The following WNT1 variants were observed in gnomAD, a reference collection of about 807,000 sequenced individuals.
WNT1 encodes the protein Wnt family member 1.
A neutral mutation model predicts 21.3 loss-of-function variants in WNT1; 10 were observed. The observed-to-expected ratio is 0.47, with a 90% confidence interval of 0.29 to 0.80. The LOEUF (loss-of-function observed/expected upper bound fraction) is 0.80. Ranked by LOEUF, WNT1 falls within the 30% of genes least tolerant of loss-of-function variation. WNT1 has a pLI of 0.09. For synonymous variants in WNT1, 208 were observed against 236.3 expected (o/e 0.88, Z 1.10); for missense variants, 476 against 534.1 (o/e 0.89, Z 1.07).
In WNT1 at chr12:48,979,243, C is replaced by T. The variant is rs1396702425; in HGVS notation, c.105-225C>T. 6.6e-6 allele frequency among the ~76,000 whole-genome samples: 1 copy of T among 152,236 alleles called. No individual in the cohort carries two copies. Among genetic ancestry groups the T allele is most frequent in the African/African-American group, 2.4e-5 (1 of 41,466 alleles). The stretch of plus-strand genomic sequence containing the variant: ...TCGGTCTCCGGGTACCTCCTCTGTC[C>T]AGTCTCCGGACCTAGGGCTCAGGCG... On this transcript the variant is annotated intron_variant, in intron 1 of 3. Transcript: ENST00000293549. The surrounding 1 kb of genome is among the most constrained non-coding windows in gnomAD (Gnocchi z 6.0).
At position 48,979,430 on chromosome 12, in the gene WNT1, T is replaced by C. The variant is rs1940980918; in HGVS notation, c.105-38T>C. On this transcript the variant is annotated intron_variant, in intron 1 of 3. Transcript: ENST00000293549. The surrounding 1 kb of genome is among the most constrained non-coding windows in gnomAD (Gnocchi z 6.0). ...ACAGTTTTTATGGTTAGGGTGCGGA[T>C]CCCCTTCCTGAGCCTGAGCTATCAT... 4 of 1,565,746 alleles carry C rather than the reference T, an allele frequency of 2.6e-6. No homozygotes were observed. The highest frequency in any genetic ancestry group is 3.5e-6 in the Non-Finnish European group (4 of 1,150,186).
In WNT1 at chr12:48,979,498, C is replaced by T. The variant is rs1940982038; in HGVS notation, c.135C>T (p.Asn45=). The T allele has an allele frequency of 1.9e-6, 3 of 1,612,656 alleles. No individual in the cohort carries two copies. Among genetic ancestry groups the T allele is most frequent in the Non-Finnish European group, 2.5e-6 (3 of 1,179,128 alleles). The change falls in exon 2 of 4, where the codon AAC becomes AAT. Residue 45 remains asparagine, a synonymous_variant. Coordinates refer to ENST00000293549, the MANE Select transcript of WNT1 (RefSeq NM_005430.4). The surrounding 1 kb of genome is among the most constrained non-coding windows in gnomAD (Gnocchi z 6.0). ...WGIVNVASST[N]LLTDSKSLQL... ...TTGTGAACGTAGCCTCCTCCACGAACCTGCTTACAGACTCCAAGAGTCTGC... is the reference window on the plus strand; with the variant it reads ...TTGTGAACGTAGCCTCCTCCACGAATCTGCTTACAGACTCCAAGAGTCTGC...
chr12:48,981,381 C>T lies in WNT1; in HGVS notation c.854C>T (p.Ser285Phe). The T allele has an allele frequency of 6.3e-7, 1 of 1,575,412 alleles. No homozygotes were observed. Among genetic ancestry groups the T allele is most frequent in the Non-Finnish European group, 8.6e-7 (1 of 1,160,226 alleles). Residue 285 changes from serine (S) to phenylalanine (F), a missense_variant, in exon 4 of 4, where the codon TCC becomes TTC. Coordinates refer to ENST00000293549, the MANE Select transcript of WNT1 (RefSeq NM_005430.4). The surrounding 1 kb of genome is among the most constrained non-coding windows in gnomAD (Gnocchi z 7.4). Reference protein sequence around the residue: ...EPEDPAHKPPSPHDLVYFEKS... With the variant: ...EPEDPAHKPPFPHDLVYFEKS... ...GAAGACCCGGCCCACAAACCGCCCT[C>T]CCCCCACGACCTCGTCTACTTCGAG...
Position 48,978,569 on chromosome 12 carries a change from C to T in WNT1, c.-82C>T. 9 of 1,043,426 alleles carry T rather than the reference C, an allele frequency of 8.6e-6. No individual in the cohort carries two copies. Among genetic ancestry groups the T allele is most frequent in the Non-Finnish European group, 1.3e-5 (9 of 703,734 alleles). 64.6% of individuals were successfully genotyped at this position (1,043,426 alleles called of 1,614,324 possible). A position where few individuals can be genotyped will look rare whatever the true frequency, so the allele number is the denominator to read the frequency against. On this transcript the variant is annotated 5_prime_UTR_variant, in exon 1 of 4. Coordinates refer to ENST00000293549, the MANE Select transcript of WNT1 (RefSeq NM_005430.4). This position sits in a 1 kb window ranked among gnomAD's most constrained non-coding sequence, Gnocchi z 7.4. The stretch of plus-strand genomic sequence containing the variant: ...CTGCGAACTCTCGCCACTGCCGCCA[C>T]CGCCGCGTCCCGTCCCACCGTCGCG...
At position 48,981,008 on chromosome 12, in the gene WNT1, T is replaced by C. The variant is rs747423134; in HGVS notation, c.625-144T>C. 140 of 1,362,054 alleles carry C rather than the reference T, an allele frequency of 1.0e-4. No individual in the cohort carries two copies. Among genetic ancestry groups the C allele is most frequent in the Non-Finnish European group, 1.3e-4 (132 of 1,020,308 alleles). The allele number at this position is 1,362,054 out of a possible 1,614,324, so 84.4% of individuals were successfully genotyped here. On this transcript the variant is annotated intron_variant, in intron 3 of 3. Coordinates refer to ENST00000293549, the MANE Select transcript of WNT1 (RefSeq NM_005430.4). The surrounding 1 kb of genome is among the most constrained non-coding windows in gnomAD (Gnocchi z 7.4). ...AGGGTTTCCAAATCTCAGCGGAACATTTCGCGCCTCCCTTCCCCTGGGCTC... is the reference window on the plus strand; with the variant it reads ...AGGGTTTCCAAATCTCAGCGGAACACTTCGCGCCTCCCTTCCCCTGGGCTC...
rs1941004603 is a variant in WNT1, at chr12:48,980,967, C to T, written c.625-185C>T. 6.6e-6 allele frequency among the ~76,000 whole-genome samples: 1 copy of T among 152,178 alleles called. No homozygotes were observed. Among genetic ancestry groups the T allele is most frequent in the Admixed American group, 6.5e-5 (1 of 15,286 alleles). On this transcript the variant is annotated intron_variant, in intron 3 of 3. Coordinates refer to ENST00000293549, the MANE Select transcript of WNT1 (RefSeq NM_005430.4). This position sits in a 1 kb window ranked among gnomAD's most constrained non-coding sequence, Gnocchi z 7.0. ...AGAGGCCGAGACTGACTCGCCGCGG[C>T]GGAGCAGGGTTGGGCAGGGTTTCCA...
At position 48,980,732 on chromosome 12, in the gene WNT1, G is replaced by A. The variant is rs751341210; in HGVS notation, c.624+43G>A. On this transcript the variant is annotated intron_variant, in intron 3 of 3. Coordinates refer to ENST00000293549, the MANE Select transcript of WNT1 (RefSeq NM_005430.4). The surrounding 1 kb of genome is among the most constrained non-coding windows in gnomAD (Gnocchi z 7.0). Reference sequence around the variant, plus strand: ...CCGCACCCTAAGCGGAGCGGCAGGGGCCAACCTCGGGCTGGGGAAGTGACG... The same window carrying A: ...CCGCACCCTAAGCGGAGCGGCAGGGACCAACCTCGGGCTGGGGAAGTGACG... The A allele has an allele frequency of 3.3e-6, 5 of 1,495,062 alleles. No homozygotes were observed. Among genetic ancestry groups the A allele is most frequent in the Non-Finnish European group, 3.6e-6 (4 of 1,123,624 alleles). 92.6% of individuals were successfully genotyped at this position (1,495,062 alleles called of 1,614,324 possible). A position where few individuals can be genotyped will look rare whatever the true frequency, so the allele number is the denominator to read the frequency against.
At position 48,979,607 on chromosome 12, in the gene WNT1, G is replaced by A. The variant is rs1339135542; in HGVS notation, c.244G>A (p.Val82Met). ...IRQNPGILHSVSGGLQSAVRE... is the reference protein window; with the variant it reads ...IRQNPGILHSMSGGLQSAVRE... ...CCAAAATCCGGGGATCCTGCACAGC[G>A]TGAGTGGGGGGCTGCAGAGTGCCGT... Residue 82 changes from valine (V) to methionine (M), a missense_variant, in exon 2 of 4, where the codon GTG becomes ATG. Val to Met is a conservative substitution (Grantham distance 21). Coordinates refer to ENST00000293549, the MANE Select transcript of WNT1 (RefSeq NM_005430.4). The surrounding 1 kb of genome is among the most constrained non-coding windows in gnomAD (Gnocchi z 6.0). 2.5e-6 allele frequency: 4 copies of A among 1,614,006 alleles called. No homozygotes were observed. The highest frequency in any genetic ancestry group is 3.4e-6 in the Non-Finnish European group (4 of 1,180,054).
Position 48,981,590 on chromosome 12 carries a change from G to C in WNT1, c.1063G>C (p.Val355Leu), listed in dbSNP as rs387907358. The change falls in exon 4 of 4, where the codon GTC becomes CTC. Residue 355 changes from valine (V) to leucine (L), a missense_variant. Val to Leu is a conservative substitution (Grantham distance 32). Transcript: ENST00000293549. This position sits in a 1 kb window ranked among gnomAD's most constrained non-coding sequence, Gnocchi z 7.4. ...CNCTFHWCCH[V>L]SCRNCTHTRV... ...CTGCACCTTCCACTGGTGCTGCCAC[G>C]TCAGCTGCCGCAACTGCACGCACAC... 1 of 1,497,378 alleles carries C rather than the reference G, an allele frequency of 6.7e-7. No homozygotes were observed. Among genetic ancestry groups the C allele is most frequent in the African/African-American group, 1.4e-5 (1 of 70,292 alleles). 92.8% of individuals were successfully genotyped at this position (1,497,378 alleles called of 1,614,324 possible).
Position 48,978,594 on chromosome 12 carries a change from G to A in WNT1, c.-57G>A. 7.6e-7 allele frequency: 1 copy of A among 1,316,728 alleles called. No individual in the cohort carries two copies. The highest frequency in any genetic ancestry group is 1.3e-5 in the South Asian group (1 of 79,682). 81.6% of individuals were successfully genotyped at this position (1,316,728 alleles called of 1,614,324 possible). A position where few individuals can be genotyped will look rare whatever the true frequency, so the allele number is the denominator to read the frequency against. ...CCGCCGCGTCCCGTCCCACCGTCGC[G>A]GGCAACAACCAAAGTCGCCGCAACT... is the stretch of plus-strand genomic sequence containing the variant. On this transcript the variant is annotated 5_prime_UTR_variant, in exon 1 of 4. Transcript: ENST00000293549. The surrounding 1 kb of genome is among the most constrained non-coding windows in gnomAD (Gnocchi z 7.4).
chr12:48,978,892 G>A lies in WNT1; in HGVS notation c.104+138G>A. ...TGACTTCCCTCCGCGACACCGAAGG[G>A]CGATCTGGCATGAAACTGCCCCAGA... On this transcript the variant is annotated intron_variant, in intron 1 of 3. Coordinates refer to ENST00000293549, the MANE Select transcript of WNT1 (RefSeq NM_005430.4). This position sits in a 1 kb window ranked among gnomAD's most constrained non-coding sequence, Gnocchi z 7.4. The A allele has an allele frequency of 1.6e-6, 1 of 641,900 alleles. No individual in the cohort carries two copies. The highest frequency in any genetic ancestry group is 2.6e-6 in the Non-Finnish European group (1 of 379,588). 39.8% of individuals were successfully genotyped at this position (641,900 alleles called of 1,614,324 possible).
Position 48,980,718 on chromosome 12 carries a change from G to A in WNT1, c.624+29G>A. On this transcript the variant is annotated intron_variant, in intron 3 of 3. Transcript: ENST00000293549. The surrounding 1 kb of genome is among the most constrained non-coding windows in gnomAD (Gnocchi z 7.0). Reference sequence around the variant, plus strand: ...AGCTTTGAGAGGCTCCGCACCCTAAGCGGAGCGGCAGGGGCCAACCTCGGG... The same window carrying A: ...AGCTTTGAGAGGCTCCGCACCCTAAACGGAGCGGCAGGGGCCAACCTCGGG... 5 of 1,510,478 alleles carry A rather than the reference G, an allele frequency of 3.3e-6. No homozygotes were observed. The highest frequency in any genetic ancestry group is 3.5e-6 in the Non-Finnish European group (4 of 1,130,952). The allele number at this position is 1,510,478 out of a possible 1,614,324, so 93.6% of individuals were successfully genotyped here.
chr12:48,979,454 ATACGT>A lies in WNT1; in HGVS notation c.105-13_105-9del. The A allele has an allele frequency of 6.3e-7, 1 of 1,594,584 alleles. No individual in the cohort carries two copies. The highest frequency in any genetic ancestry group is 1.7e-5 in the Admixed American group (1 of 59,522). ...ATCCCCTTCCTGAGCCTGAGCTATC[ATACGT>A]CCCACCAGGGGTATTGTGAACGTAG... On this transcript the variant is annotated splice_polypyrimidine_tract_variant and intron_variant, in intron 1 of 3. Transcript: ENST00000293549. The surrounding 1 kb of genome is among the most constrained non-coding windows in gnomAD (Gnocchi z 6.0).
chr12:48,981,298 G>T lies in WNT1; in HGVS notation c.771G>T (p.Leu257=). 6.3e-7 allele frequency: 1 copy of T among 1,589,334 alleles called. No individual in the cohort carries two copies. The highest frequency in any genetic ancestry group is 8.6e-7 in the Non-Finnish European group (1 of 1,168,306). ...GCTTCGACGGCGCCTCGCGCGTCCT[G>T]TACGGCAACCGCGGCAGCAACCGCG... ...RDRFDGASRV[L]YGNRGSNRAS... Residue 257 remains leucine, a synonymous_variant, in exon 4 of 4, where the codon CTG becomes CTT. Transcript: ENST00000293549. This position sits in a 1 kb window ranked among gnomAD's most constrained non-coding sequence, Gnocchi z 7.4.
rs997719985 is a variant in WNT1, at chr12:48,982,108, G to A, written c.*468G>A. Among the ~76,000 whole-genome samples, 7 of 152,126 alleles carry A rather than the reference G, an allele frequency of 4.6e-5. No homozygotes were observed. The highest frequency in any genetic ancestry group is 2.1e-4 in the South Asian group (1 of 4,828). On this transcript the variant is annotated 3_prime_UTR_variant, in exon 4 of 4. Coordinates refer to ENST00000293549, the MANE Select transcript of WNT1 (RefSeq NM_005430.4). ...GGTGCAGACCCTGAACCCACACCTG[G>A]GCATCAGGGCCTTTCTCCTCCCCAC...
chr12:48,981,426 C>G lies in WNT1; in HGVS notation c.899C>G (p.Thr300Arg). 1 of 1,575,178 alleles carries G rather than the reference C, an allele frequency of 6.3e-7. No individual in the cohort carries two copies. Among genetic ancestry groups the G allele is most frequent in the Non-Finnish European group, 8.6e-7 (1 of 1,159,942 alleles). ...VYFEKSPNFC[T>R]YSGRLGTAGT... Reference sequence around the variant, plus strand: ...TTCGAGAAATCGCCCAACTTCTGCACGTACAGCGGACGCCTGGGCACAGCA... The same window carrying G: ...TTCGAGAAATCGCCCAACTTCTGCAGGTACAGCGGACGCCTGGGCACAGCA... The change falls in exon 4 of 4, where the codon ACG (threonine) becomes AGG (arginine). Residue 300 changes from threonine to arginine, a missense_variant. By Grantham distance (71) the Thr-to-Arg change is moderately conservative. Transcript: ENST00000293549. This position sits in a 1 kb window ranked among gnomAD's most constrained non-coding sequence, Gnocchi z 7.4.
Position 48,981,699 on chromosome 12 carries a change from C to A in WNT1, c.*59C>A. 1 of 1,411,020 alleles carries A rather than the reference C, an allele frequency of 7.1e-7. No homozygotes were observed. Among genetic ancestry groups the A allele is most frequent in the Non-Finnish European group, 9.2e-7 (1 of 1,088,640 alleles). 87.4% of individuals were successfully genotyped at this position (1,411,020 alleles called of 1,614,324 possible). A position where few individuals can be genotyped will look rare whatever the true frequency, so the allele number is the denominator to read the frequency against. ...CCTCGAGCCCTCCCCCAAACAGACT[C>A]GCTAGCACTCAAGACCCGGTTATTC... On this transcript the variant is annotated 3_prime_UTR_variant, in exon 4 of 4. Coordinates refer to ENST00000293549, the MANE Select transcript of WNT1 (RefSeq NM_005430.4). This position sits in a 1 kb window ranked among gnomAD's most constrained non-coding sequence, Gnocchi z 7.4.
At position 48,981,356 on chromosome 12, in the gene WNT1, G is replaced by C; in HGVS notation, c.829G>C (p.Glu277Gln). The change falls in exon 4 of 4, where the codon GAA becomes CAA. Residue 277 changes from glutamate to glutamine, a missense_variant. Transcript: ENST00000293549. The surrounding 1 kb of genome is among the most constrained non-coding windows in gnomAD (Gnocchi z 7.4). ...GGCGGAGCTGCTGCGCCTGGAGCCG[G>C]AAGACCCGGCCCACAAACCGCCCTC... The part of the protein sequence containing the change: ...SRAELLRLEP[E>Q]DPAHKPPSPH... 1 of 1,568,862 alleles carries C rather than the reference G, an allele frequency of 6.4e-7. No homozygotes were observed. Among genetic ancestry groups the C allele is most frequent in the Non-Finnish European group, 8.6e-7 (1 of 1,156,984 alleles).
At position 48,980,172 on chromosome 12, in the gene WNT1, A is replaced by G. The variant is rs1940990962; in HGVS notation, c.359-252A>G. 6.6e-6 allele frequency among the ~76,000 whole-genome samples: 1 copy of G among 152,172 alleles called. No individual in the cohort carries two copies. Among genetic ancestry groups the G allele is most frequent in the Admixed American group, 6.5e-5 (1 of 15,286 alleles). ...CGGTTTGTCTCTCTGGGGCTGCTCCACTTCCGCTATCGAGCCAAAATGCGC... is the reference window on the plus strand; with the variant it reads ...CGGTTTGTCTCTCTGGGGCTGCTCCGCTTCCGCTATCGAGCCAAAATGCGC... On this transcript the variant is annotated intron_variant, in intron 2 of 3. Transcript: ENST00000293549. The surrounding 1 kb of genome is among the most constrained non-coding windows in gnomAD (Gnocchi z 7.0).
Sources: gnomAD v4.1 joint callset for allele counts (sites outside exome capture counted in the v4.1 genomes callset) on GRCh38, gnomAD v4.1.1 for gene constraint, Gnocchi (gnomAD v3.1) non-coding constraint, MANE v1.5 for transcripts, NCBI Gene and HGNC (gene_info 2026-07-23, HGNC 2026-07-21) for gene names.